PID1: variants seen among roughly 807,000 people sequenced by gnomAD.
PID1 encodes the protein PTB-containing, cubilin and LRP1-interacting protein.
Under a neutral mutation model 19.1 loss-of-function variants are expected in PID1, and 10 were observed. That is an observed-to-expected ratio of 0.52 (90% confidence interval 0.32 to 0.89). The LOEUF (loss-of-function observed/expected upper bound fraction) is 0.89. PID1 is among the 40% of genes least tolerant of loss of function. PID1 has a pLI of 0.03. For synonymous variants in PID1, 130 were observed against 116.0 expected, an observed-to-expected ratio of 1.12 and a Z score of -0.78; for missense variants, 248 against 285.3, an observed-to-expected ratio of 0.87 and a Z score of 0.94.
intron 2 of PID1, among the ~76,000 whole-genome samples, chr2:229,029,861 A>G (rs1693509994): frequency 6.6e-6 from 1 of 151,942 alleles, no homozygotes; most frequent in Admixed American, 6.6e-5. Flanking sequence ...AAAACAATTA[A>G]AAGTAGAATT....
chr2:229,205,900 G>A (rs1442857921), intron 1 of PID1, among the ~76,000 whole-genome samples: 2 of 152,152 alleles, frequency 1.3e-5, no homozygotes, highest in Non-Finnish European at 2.9e-5. Flanking sequence ...TCCCAGCTAT[G>A]ATAATGTTTT....
intron 1 of PID1, among the ~76,000 whole-genome samples, chr2:229,262,357 C>T (rs1690481483): frequency 6.6e-6 from 1 of 152,180 alleles, no homozygotes; most frequent in South Asian, 2.1e-4. Flanking sequence ...ACATGTTACA[C>T]TCAAGGTTTG....
chr2:229,137,724 C>T (rs1689885357), intron 2 of PID1, among the ~76,000 whole-genome samples: 1 of 152,218 alleles, frequency 6.6e-6, no homozygotes, highest in Non-Finnish European at 1.5e-5. Flanking sequence ...TCAAATGCAT[C>T]TGCTTCAATT....
chr2:229,053,980 A>G (rs550668159), intron 2 of PID1, among the ~76,000 whole-genome samples: 1 of 152,322 alleles, frequency 6.6e-6, no homozygotes, highest in East Asian at 1.9e-4. Context: ...CATTTATTCA[A>G]TTCTTGTTCT....
At chr2:229,176,055 C>T (rs893718112) in intron 1 of PID1, among the ~76,000 whole-genome samples, 1 of 151,876 alleles carries the variant, frequency 6.6e-6, no homozygotes, top group South Asian at 2.1e-4. Context: ...GCATATTTAG[C>T]ATGTAAATGT....
chr2:229,050,807 A>G (rs1474202676), intron 2 of PID1, among the ~76,000 whole-genome samples: 2 of 150,834 alleles, frequency 1.3e-5, no homozygotes, highest in Admixed American at 6.7e-5. Context: ...TGGGAGTGGC[A>G]TAAAGGTCAT....
chr2:229,218,686 G>A (rs898354361), intron 1 of PID1, among the ~76,000 whole-genome samples: 1 of 152,154 alleles, frequency 6.6e-6, no homozygotes, highest in South Asian at 2.1e-4. Flanking sequence ...CAGAGTCCAG[G>A]TTAGGAGCCC....
intron 2 of PID1, among the ~76,000 whole-genome samples, chr2:229,066,762 T>C (rs1444050680): frequency 6.6e-6 from 1 of 151,776 alleles, no homozygotes; most frequent in Non-Finnish European, 1.5e-5. Context: ...TCCCCCTCCA[T>C]TAAGAAATCA....
At chr2:229,124,229 T>C (rs1400044737) in intron 2 of PID1, among the ~76,000 whole-genome samples, 2 of 152,190 alleles carry the variant, frequency 1.3e-5, no homozygotes, top group Admixed American at 6.5e-5. Context: ...AGGGGTTTTG[T>C]TTTTGTTGGT....
At chr2:229,140,120 C>T (rs1050210858) in intron 2 of PID1, among the ~76,000 whole-genome samples, 3 of 152,104 alleles carry the variant, frequency 2.0e-5, no homozygotes, top group African/African-American at 7.2e-5. Context: ...CCGGAAGCTA[C>T]ATAATAGAAT....
chr2:229,223,546 G>A (rs1320647168), intron 1 of PID1, among the ~76,000 whole-genome samples: 1 of 152,160 alleles, frequency 6.6e-6, no homozygotes, highest in Non-Finnish European at 1.5e-5. Flanking sequence ...ATAAAACAAA[G>A]TGCTAATTTC....
intron 2 of PID1, among the ~76,000 whole-genome samples, chr2:229,155,275 T>G (rs1690341702): frequency 6.6e-6 from 1 of 152,084 alleles, no homozygotes; most frequent in African/African-American, 2.4e-5. Context: ...TACTAAAACC[T>G]AGGTCTTTAG....
In PID1 at chr2:229,045,200, C is replaced by T. The variant is rs575110633; in HGVS notation, c.178-19092G>A. Among the ~76,000 whole-genome samples the T allele has an allele frequency of 9.8e-5, 15 of 152,304 alleles. 1 individual carries two copies. The South Asian group carries it at 2.1e-3, about 21-fold the overall frequency. Reference sequence around the variant, plus strand: ...AACTCCTGACTTCAAATGATCCACCCGCCTTGGCCTCCCAAAATATTGGGA... The same window carrying T: ...AACTCCTGACTTCAAATGATCCACCTGCCTTGGCCTCCCAAAATATTGGGA... On this transcript the variant is annotated intron_variant, in intron 2 of 2. Coordinates refer to ENST00000392055, the MANE Select transcript of PID1 (RefSeq NM_001100818.2).
Position 229,119,872 on chromosome 2 carries a change from A to T in PID1, c.177+35946T>A, listed in dbSNP as rs533792179. Among the ~76,000 whole-genome samples the T allele has an allele frequency of 3.9e-5, 6 of 152,286 alleles. No individual in the cohort carries two copies. The East Asian group carries it at 9.7e-4, about 25-fold the overall frequency. On this transcript the variant is annotated intron_variant, in intron 2 of 2. Transcript: ENST00000392055. ...GGGCCTAAAAGCAAGAAAAATGCAG[A>T]GGAAGGTTGGATTCCCACTCCCTCT...
intron 1 of PID1, among the ~76,000 whole-genome samples, chr2:229,210,345 T>C (rs1691701294): frequency 6.6e-6 from 1 of 151,360 alleles, no homozygotes; most frequent in Admixed American, 6.6e-5. Context: ...ACCCCGTCTC[T>C]ATTAAAAATA....
intron 1 of PID1, among the ~76,000 whole-genome samples, chr2:229,204,299 C>T (rs1000561585): frequency 3.9e-5 from 6 of 152,076 alleles, no homozygotes; most frequent in Admixed American, 6.6e-5. Context: ...AGTTTCTCAA[C>T]TTCAGAATTA....
At chr2:229,261,918 A>G (rs1321483680) in intron 1 of PID1, among the ~76,000 whole-genome samples, 1 of 152,008 alleles carries the variant, frequency 6.6e-6, no homozygotes, top group African/African-American at 2.4e-5. Context: ...TTGTCTTCAA[A>G]GTGAGTTCCA....
At chr2:229,187,753 A>G (rs1308766219) in intron 1 of PID1, among the ~76,000 whole-genome samples, 2 of 152,062 alleles carry the variant, frequency 1.3e-5, no homozygotes, top group Non-Finnish European at 2.9e-5. Context: ...CAAAACAAAA[A>G]TCCTCTTTCG....
intron 2 of PID1, among the ~76,000 whole-genome samples, chr2:229,136,438 T>A (rs1471486204): frequency 6.6e-6 from 1 of 152,166 alleles, no homozygotes; most frequent in East Asian, 1.9e-4. Flanking sequence ...AATTTTGAGT[T>A]AATTTCTTAT....
Sources: allele counts gnomAD v4.1 joint callset (sites outside exome capture counted in the v4.1 genomes callset), GRCh38; gene constraint gnomAD v4.1.1; transcripts MANE v1.5; gene names NCBI Gene and HGNC (gene_info 2026-07-23, HGNC 2026-07-21).